The following STK39 variants were observed in gnomAD, a reference collection of about 807,000 sequenced individuals.
The protein encoded by STK39 is STE20/SPS1-related proline-alanine-rich protein kinase.
Under a neutral mutation model 77.8 loss-of-function variants are expected in STK39, and 20 were observed. The ratio of observed to expected loss-of-function variants is 0.26; its 90% CI spans 0.18 to 0.37. The LOEUF (loss-of-function observed/expected upper bound fraction) is 0.37. STK39 is among the 10% of genes least tolerant of loss of function. The probability of loss-of-function intolerance (pLI) is 1.00; values close to 1 mark genes in which losing one functional copy is unlikely to be tolerated. For synonymous variants in STK39, 246 were observed against 234.1 expected (o/e 1.05, Z -0.47); for missense variants, 479 against 656.5 (o/e 0.73, Z 2.95).
Position 168,247,284 on chromosome 2 carries a change from G to T in STK39, c.152C>A (p.Ala51Glu). The change falls in exon 1 of 18, where the codon GCA (alanine) becomes GAA (glutamate). Residue 51 changes from alanine to glutamate, a missense_variant. This residue lies in a region of STK39 where 96 missense variants were observed against 79.1 expected (regional missense o/e 1.21). Transcript: ENST00000355999. ...GCAGATGGGCCAGCCGACAGCCTGTGCCGCCGGGGCCGGGGCCGGGGCCGG... is the reference window on the plus strand; with the variant it reads ...GCAGATGGGCCAGCCGACAGCCTGTTCCGCCGGGGCCGGGGCCGGGGCCGG... Reference protein sequence around the residue: ...AAPAPAPAPAAQAVGWPICRD... With the variant: ...AAPAPAPAPAEQAVGWPICRD... 1.9e-6 allele frequency: 2 copies of T among 1,059,210 alleles called. No individual in the cohort carries two copies. Among genetic ancestry groups the T allele is most frequent in the Non-Finnish European group, 2.3e-6 (2 of 877,690 alleles). The allele number at this position is 1,059,210 out of a possible 1,614,324, so 65.6% of individuals were successfully genotyped here.
At chr2:167,957,781 T>C (rs1375311247) in intron 17 of STK39, among the ~76,000 whole-genome samples, 2 of 152,234 alleles carry the variant, frequency 1.3e-5, no homozygotes, top group East Asian at 3.8e-4. Context: ...TTGAACTGAC[T>C]AGAAATGAGA....
Position 168,065,326 on chromosome 2 carries a change from T to G in STK39, c.1298A>C (p.Asp433Ala), listed in dbSNP as rs771887076. 4 of 1,613,390 alleles carry G rather than the reference T, an allele frequency of 2.5e-6. No homozygotes were observed. Among genetic ancestry groups the G allele is most frequent in the Non-Finnish European group, 2.5e-6 (3 of 1,179,794 alleles). The part of the protein sequence containing the change: ...PEQIQSLSVH[D>A]SQGPPNANED... ...ACTGGCAGAGAAACATACCTGAGAG[T>G]CGTGCACAGAGAGGGACTGTATTTG... is the stretch of plus-strand genomic sequence containing the variant. The change falls in exon 13 of 18, where the codon GAC (aspartate) becomes GCC (alanine). Residue 433 changes from aspartate (D) to alanine (A), a missense_variant. Around this residue, in one of 3 missense-constraint regions of STK39, gnomAD observed 244 missense variants for 296.8 expected, o/e 0.82. Coordinates refer to ENST00000355999, the MANE Select transcript of STK39 (RefSeq NM_013233.3).
At chr2:168,210,680 C>T (rs766597791) in intron 1 of STK39, among the ~76,000 whole-genome samples, 4 of 152,118 alleles carry the variant, frequency 2.6e-5, no homozygotes, top group African/African-American at 7.2e-5. Flanking sequence ...CCACCACACC[C>T]GGCTAATTTT....
chr2:168,015,661 T>C (rs577772803), intron 15 of STK39, among the ~76,000 whole-genome samples: 76 of 152,352 alleles, frequency 5.0e-4, no homozygotes, highest in African/African-American at 1.7e-3. Context: ...TTGATTTTCA[T>C]TGCCATAGTC....
At chr2:168,003,479 T>C (rs931168704) in intron 16 of STK39, among the ~76,000 whole-genome samples, 1 of 152,106 alleles carries the variant, frequency 6.6e-6, no homozygotes, top group Non-Finnish European at 1.5e-5. Flanking sequence ...CAGTAAAGAT[T>C]TTTTTTAAAG....
At chr2:167,978,122 G>A (rs763621242) in intron 16 of STK39, among the ~76,000 whole-genome samples, 2 of 152,158 alleles carry the variant, frequency 1.3e-5, no homozygotes, top group African/African-American at 2.4e-5. Flanking sequence ...CTCAAGCACC[G>A]ATCTTAGGTT....
intron 5 of STK39, among the ~76,000 whole-genome samples, chr2:168,147,030 C>T (rs571628885): frequency 8.5e-5 from 13 of 152,216 alleles, no homozygotes; most frequent in South Asian, 8.3e-4. Flanking sequence ...TCTCCTCTTC[C>T]GGAAAGTTCA....
intron 1 of STK39, among the ~76,000 whole-genome samples, chr2:168,218,795 CAGAGAAAGCTATTAGGAGAAT>C (rs1441875312): frequency 2.0e-5 from 3 of 152,318 alleles, no homozygotes; most frequent in Non-Finnish European, 4.4e-5. Flanking sequence ...CAATTAAACA[CAGAGAAAGCTATTAGGAGAAT>C]CAAAAGATTG....
intron 5 of STK39, among the ~76,000 whole-genome samples, chr2:168,148,629 G>T (rs1257717816): frequency 6.6e-6 from 1 of 152,182 alleles, no homozygotes; most frequent in Non-Finnish European, 1.5e-5. Flanking sequence ...TTGAAATAAT[G>T]CCACTTTGCA....
chr2:168,155,761 T>C (rs1042992907), intron 5 of STK39, among the ~76,000 whole-genome samples: 1 of 152,228 alleles, frequency 6.6e-6, no homozygotes, highest in Non-Finnish European at 1.5e-5. Flanking sequence ...TATGCAGTAG[T>C]ATACATACCT....
At chr2:168,144,104 C>A (rs1338484272) in intron 5 of STK39, among the ~76,000 whole-genome samples, 1 of 152,090 alleles carries the variant, frequency 6.6e-6, no homozygotes, top group Non-Finnish European at 1.5e-5. Context: ...GCTACTAAGC[C>A]TTGAGGAGGA....
intron 14 of STK39, among the ~76,000 whole-genome samples, chr2:168,018,420 C>A (rs1684469519): frequency 6.6e-6 from 1 of 151,104 alleles, no homozygotes. Flanking sequence ...GAACTGGAAC[C>A]CGGCAGGTAT....
intron 10 of STK39, among the ~76,000 whole-genome samples, chr2:168,075,908 TA>T (rs1686066186): frequency 6.6e-6 from 1 of 152,200 alleles, no homozygotes; most frequent in Non-Finnish European, 1.5e-5. Context: ...GTCTAGATTA[TA>T]ATCAGTCTTC....
intron 1 of STK39, among the ~76,000 whole-genome samples, chr2:168,240,186 A>G (rs1690724567): frequency 1.3e-5 from 2 of 152,190 alleles, no homozygotes; most frequent in African/African-American, 2.4e-5. Context: ...CTGGCTGGAG[A>G]GTCTGTCCTG....
At position 168,198,038 on chromosome 2, in the gene STK39, C is replaced by CAA. The variant is rs11448638; in HGVS notation, c.209-15950_209-15949dup. ...GGGCAAAAAGAACGAAACTCGGTCT[C>CAA]AAAAAAAAAAAAAAAGTAAAAATAA... On this transcript the variant is annotated intron_variant, in intron 1 of 17. Coordinates refer to ENST00000355999, the MANE Select transcript of STK39 (RefSeq NM_013233.3). 3.5e-3 allele frequency among the ~76,000 whole-genome samples: 433 copies of CAA among 124,426 alleles called. 2 individuals carry two copies. Among genetic ancestry groups the CAA allele is most frequent in the African/African-American group, 9.4e-3 (334 of 35,670 alleles). The allele number at this position is 124,426 out of a possible 152,430, so 81.6% of individuals were successfully genotyped here.
At chr2:168,078,741 C>CAAA (rs56865790) in intron 10 of STK39, among the ~76,000 whole-genome samples, 44 of 86,410 alleles carry the variant, frequency 5.1e-4, no homozygotes, top group African/African-American at 1.6e-3. Flanking sequence ...TCCATCTGTC[C>CAAA]AAAAAAAAAA....
chr2:168,202,329 A>G (rs764507570), intron 1 of STK39, among the ~76,000 whole-genome samples: 3 of 152,230 alleles, frequency 2.0e-5, no homozygotes, highest in Non-Finnish European at 2.9e-5. Flanking sequence ...AACAGAAATC[A>G]TGGCTACAGT....
At chr2:168,222,691 T>C (rs1690204947) in intron 1 of STK39, among the ~76,000 whole-genome samples, 1 of 152,200 alleles carries the variant, frequency 6.6e-6, no homozygotes, top group African/African-American at 2.4e-5. Flanking sequence ...CTTTTATCTA[T>C]CTTAATTACC....
chr2:167,986,722 G>C (rs993267502), intron 16 of STK39, among the ~76,000 whole-genome samples: 1 of 152,156 alleles, frequency 6.6e-6, no homozygotes, highest in Non-Finnish European at 1.5e-5. Flanking sequence ...GACAAGAAAG[G>C]AACACCGTGA....
Sources: allele counts gnomAD v4.1 joint callset (sites outside exome capture counted in the v4.1 genomes callset), GRCh38; gene constraint gnomAD v4.1.1; regional missense constraint gnomAD v4.1.1; transcripts MANE v1.5; gene names NCBI Gene and HGNC (gene_info 2026-07-23, HGNC 2026-07-21).